The following LOXL3 variants were observed in gnomAD, a reference collection of about 807,000 sequenced individuals.
LOXL3 encodes the protein lysyl oxidase homolog 3.
LOXL3 carries 60 observed loss-of-function variants against 91.8 expected under a neutral mutation model. The ratio of observed to expected loss-of-function variants is 0.65; its 90% CI spans 0.53 to 0.81. The LOEUF is 0.81. LOXL3 is among the 30% of genes least tolerant of loss of function. The probability of loss-of-function intolerance (pLI) is 0.00; values close to 1 mark genes in which losing one functional copy is unlikely to be tolerated. For missense variants in LOXL3, 874 were observed against 1,000.4 expected, an observed-to-expected ratio of 0.87 and a Z score of 1.70; for synonymous variants, 355 against 387.6, an observed-to-expected ratio of 0.92 and a Z score of 0.99.
chr2:74,551,860 C>G (rs1210896213), intron 2 of LOXL3, among the ~76,000 whole-genome samples: 3 of 152,244 alleles, frequency 2.0e-5, no homozygotes, highest in Non-Finnish European at 4.4e-5. Context: ...TATACTTGTC[C>G]TTAGACAGTA....
In LOXL3 at chr2:74,549,152, C is replaced by A. The variant is rs1676818157; in HGVS notation, c.692+217G>T. 2.3e-6 allele frequency: 1 copy of A among 439,526 alleles called. No individual in the cohort carries two copies. Among genetic ancestry groups the A allele is most frequent in the East Asian group, 3.7e-5 (1 of 27,048 alleles). The allele number at this position is 439,526 out of a possible 1,614,324, so 27.2% of individuals were successfully genotyped here. Reference sequence around the variant, plus strand: ...GGCGTCGGCCACGAGAGAGCGGGAGCCTCGCTGGTCCCCATTTCAGGTACT... The same window carrying A: ...GGCGTCGGCCACGAGAGAGCGGGAGACTCGCTGGTCCCCATTTCAGGTACT... On this transcript the variant is annotated intron_variant, in intron 4 of 13. Coordinates refer to ENST00000264094, the MANE Select transcript of LOXL3 (RefSeq NM_032603.5). This position sits in a 1 kb window ranked among gnomAD's most constrained non-coding sequence, Gnocchi z 5.3.
chr2:74,534,217 C>T lies in LOXL3; in HGVS notation c.1959G>A (p.Glu653=). 6.2e-7 allele frequency: 1 copy of T among 1,614,198 alleles called. No homozygotes were observed. Among genetic ancestry groups the T allele is most frequent in the Non-Finnish European group, 8.5e-7 (1 of 1,180,044 alleles). ...ECQEDVSKRY[E]CANFGEQGIT... is the part of the protein sequence containing the mutation. ...TGCCTTGCTCTCCAAAGTTGGCACA[C>T]TCATACCGCTTGGAGACATCTGGAG... The change falls in exon 12 of 14, where the codon GAG becomes GAA. Residue 653 remains glutamate, a synonymous_variant. Transcript: ENST00000264094.
Position 74,535,249 on chromosome 2 carries a change from G to C in LOXL3, c.1579+43C>G. ...CCTTTCCCTGCAAACGGGTGGCCCA[G>C]ACACTCCCTTCCCTGGCATGCATCA... is the stretch of plus-strand genomic sequence containing the variant. On this transcript the variant is annotated intron_variant, in intron 9 of 13. Coordinates refer to ENST00000264094, the MANE Select transcript of LOXL3 (RefSeq NM_032603.5). This position sits in a 1 kb window ranked among gnomAD's most constrained non-coding sequence, Gnocchi z 4.2. 1 of 1,580,388 alleles carries C rather than the reference G, an allele frequency of 6.3e-7. No individual in the cohort carries two copies. Among genetic ancestry groups the C allele is most frequent in the Non-Finnish European group, 8.6e-7 (1 of 1,161,594 alleles).
chr2:74,548,239 T>A (rs1676726054), intron 4 of LOXL3, among the ~76,000 whole-genome samples: 1 of 152,236 alleles, frequency 6.6e-6, no homozygotes, highest in South Asian at 2.1e-4. Context: ...GATAATCTCA[T>A]GGGATCATCA....
In LOXL3 at chr2:74,535,903, G is replaced by A. The variant is rs1675991033; in HGVS notation, c.1248+93C>T. The A allele has an allele frequency of 1.3e-6, 2 of 1,489,302 alleles. No individual in the cohort carries two copies. The highest frequency in any genetic ancestry group is 2.7e-5 in the South Asian group (2 of 74,790). 92.3% of individuals were successfully genotyped at this position (1,489,302 alleles called of 1,614,324 possible). On this transcript the variant is annotated intron_variant, in intron 7 of 13. Coordinates refer to ENST00000264094, the MANE Select transcript of LOXL3 (RefSeq NM_032603.5). The surrounding 1 kb of genome is among the most constrained non-coding windows in gnomAD (Gnocchi z 4.2). ...GGAGCTGCAGGAGGGCAGGGGCCTG[G>A]GGCAATGGGCTGGGGGCCATTGGAC...
In LOXL3 at chr2:74,536,700, C is replaced by G. The variant is rs1676044476; in HGVS notation, c.912+9G>C. The G allele has an allele frequency of 2.5e-6, 4 of 1,613,584 alleles. No individual in the cohort carries two copies. The highest frequency in any genetic ancestry group is 2.5e-6 in the Non-Finnish European group (3 of 1,179,576). ...GGGTGGGAAAGGTCATAATCACTGT[C>G]TCACACACCTCCCCCTGAGGCTTCG... On this transcript the variant is annotated intron_variant, in intron 5 of 13. Transcript: ENST00000264094. This position sits in a 1 kb window ranked among gnomAD's most constrained non-coding sequence, Gnocchi z 4.5.
chr2:74,533,886 G>A lies in LOXL3; in HGVS notation c.2184C>T (p.His728=). The stretch of plus-strand genomic sequence containing the variant: ...GTTGCTCTTCCCATCAAATACCAAT[G>A]TGGCAGTTGTGCACCCAGATTCTAT... The part of the protein sequence containing the change: ...DGHRIWVHNC[H]IGDAFSEEAN... Residue 728 remains histidine, a synonymous_variant, in exon 13 of 14, where the codon CAC becomes CAT. Transcript: ENST00000264094. 6.2e-7 allele frequency: 1 copy of A among 1,611,490 alleles called. No individual in the cohort carries two copies.
In LOXL3 at chr2:74,536,729, G is replaced by A. The variant is rs1371636666; in HGVS notation, c.892C>T (p.Gln298Ter). Residue 298 changes from glutamine to a stop codon, truncating the protein, a stop_gained, in exon 5 of 14, where the codon CAG (glutamine) becomes TAG (stop). Transcript: ENST00000264094. LOFTEE classifies it high-confidence loss of function. The surrounding 1 kb of genome is among the most constrained non-coding windows in gnomAD (Gnocchi z 4.5). ...CACACCTCCCCCTGAGGCTTCGACT[G>A]TTGTTGCTTCTTCTGGCCACTGGAT... ...AASSGQKKQQ[Q>*]SKPQGEARVR... 1 of 1,614,198 alleles carries A rather than the reference G, an allele frequency of 6.2e-7. No individual in the cohort carries two copies. Among genetic ancestry groups the A allele is most frequent in the Non-Finnish European group, 8.5e-7 (1 of 1,180,010 alleles).
Position 74,532,882 on chromosome 2 carries a change from A to G in LOXL3, c.*724T>C, listed in dbSNP as rs902870900. ...GGGGAGCAGATGGTACAAAATGCTG[A>G]AGATGTTTATGAAGCTGTTCGAACC... On this transcript the variant is annotated 3_prime_UTR_variant, in exon 14 of 14. Transcript: ENST00000264094. 4 of 1,614,102 alleles carry G rather than the reference A, an allele frequency of 2.5e-6. No individual in the cohort carries two copies. Among genetic ancestry groups the G allele is most frequent in the Non-Finnish European group, 3.4e-6 (4 of 1,180,012 alleles).
upstream of LOXL3, chr2:74,554,394 G>GGT: frequency 3.8e-6 from 1 of 263,950 alleles, no homozygotes; most frequent in Non-Finnish European, 7.2e-6. The surrounding 1 kb of genome is among the most constrained non-coding windows in gnomAD (Gnocchi z 4.9). Context: ...TCTCTCCGGT[G>GGT]CCCGGGGCGC....
At chr2:74,539,238 G>A (rs1676184417) in intron 4 of LOXL3, among the ~76,000 whole-genome samples, 1 of 152,196 alleles carries the variant, frequency 6.6e-6, no homozygotes, top group Non-Finnish European at 1.5e-5. Context: ...AAGGTACAGG[G>A]TTATTTTTCT....
In LOXL3 at chr2:74,549,800, C is replaced by A. The variant is rs1235607116; in HGVS notation, c.478-217G>T. 7.1e-6 allele frequency: 10 copies of A among 1,413,174 alleles called. No homozygotes were observed. Among genetic ancestry groups the A allele is most frequent in the Non-Finnish European group, 9.2e-6 (10 of 1,087,896 alleles). 87.5% of individuals were successfully genotyped at this position (1,413,174 alleles called of 1,614,324 possible). A position where few individuals can be genotyped will look rare whatever the true frequency, so the allele number is the denominator to read the frequency against. ...ATGTGCTGTGCTCCCAGAGAGGATT[C>A]AGGGCACTAGGAAGGAGGCCCTCCC... is the stretch of plus-strand genomic sequence containing the variant. On this transcript the variant is annotated intron_variant, in intron 3 of 13. Transcript: ENST00000264094. This position sits in a 1 kb window ranked among gnomAD's most constrained non-coding sequence, Gnocchi z 5.3.
chr2:74,535,566 C>T lies in LOXL3; in HGVS notation c.1416+22G>A, dbSNP rs746696337. ...ACAGGCTTTGAGACAACAGCCTCGG[C>T]TCCCCTTTCCTTCCCACTCACCTGC... On this transcript the variant is annotated intron_variant, in intron 8 of 13. Coordinates refer to ENST00000264094, the MANE Select transcript of LOXL3 (RefSeq NM_032603.5). The surrounding 1 kb of genome is among the most constrained non-coding windows in gnomAD (Gnocchi z 4.2). The T allele has an allele frequency of 1.9e-6, 3 of 1,613,188 alleles. No homozygotes were observed. The highest frequency in any genetic ancestry group is 3.3e-5 in the Admixed American group (2 of 59,938).
chr2:74,554,707 C>T, upstream of LOXL3: 1 of 1,598,054 alleles, frequency 6.3e-7, no homozygotes, highest in Non-Finnish European at 8.5e-7. This position sits in a 1 kb window ranked among gnomAD's most constrained non-coding sequence, Gnocchi z 4.9. Flanking sequence ...CCTCCCGCCC[C>T]GCCTCCCGCC....
chr2:74,546,338 C>T (rs533489704), intron 4 of LOXL3, among the ~76,000 whole-genome samples: 1 of 152,302 alleles, frequency 6.6e-6, no homozygotes, highest in South Asian at 2.1e-4. Flanking sequence ...CACACCTCTG[C>T]TCCAAGCCCT....
chr2:74,542,077 G>A (rs2104415811), intron 4 of LOXL3, among the ~76,000 whole-genome samples: 1 of 152,302 alleles, frequency 6.6e-6, no homozygotes, highest in East Asian at 1.9e-4. Flanking sequence ...AGGACTGCTT[G>A]AGCCCAGAAG....
Position 74,552,453 on chromosome 2 carries a change from T to C in LOXL3, c.182A>G (p.Gln61Arg). ...RKPYEGRVEIQRAGEWGTICD... is the reference protein window; with the variant it reads ...RKPYEGRVEIRRAGEWGTICD... Reference sequence around the variant, plus strand: ...GATGGTGCCCCATTCACCAGCTCGCTGTATCTCCACGCGGCCCTCGTAGGG... The same window carrying C: ...GATGGTGCCCCATTCACCAGCTCGCCGTATCTCCACGCGGCCCTCGTAGGG... The change falls in exon 2 of 14, where the codon CAG becomes CGG. Residue 61 changes from glutamine to arginine, a missense_variant. Transcript: ENST00000264094. The C allele has an allele frequency of 6.2e-7, 1 of 1,613,858 alleles. No homozygotes were observed. The highest frequency in any genetic ancestry group is 8.5e-7 in the Non-Finnish European group (1 of 1,179,930).
chr2:74,555,324 C>T (rs1279020508), upstream of LOXL3: 1 of 1,614,008 alleles, frequency 6.2e-7, no homozygotes, highest in Admixed American at 1.7e-5. The surrounding 1 kb of genome is among the most constrained non-coding windows in gnomAD (Gnocchi z 6.1). Flanking sequence ...CCCCCGTCAC[C>T]GTGGAGACCC....
chr2:74,533,720 A>C, intron 13 of LOXL3, 41 bp from the exon 14 acceptor site: 1 of 1,583,110 alleles, frequency 6.3e-7, no homozygotes, highest in South Asian at 1.1e-5. Flanking sequence ...CCCTGCACAG[A>C]GGGAGGGAGA....
Sources: allele counts gnomAD v4.1 joint callset (sites outside exome capture counted in the v4.1 genomes callset), GRCh38; gene constraint gnomAD v4.1.1; non-coding constraint Gnocchi (gnomAD v3.1); transcripts MANE v1.5; gene names NCBI Gene and HGNC (gene_info 2026-07-23, HGNC 2026-07-21).